The following SLC5A1 variants were observed in gnomAD, a reference collection of about 807,000 sequenced individuals.
The protein encoded by SLC5A1 is sodium/glucose cotransporter 1.
In SLC5A1, 42 loss-of-function variants were observed where a neutral mutation model predicts 73.5. The observed-to-expected ratio is 0.57, with a 90% CI of 0.45 to 0.74. SLC5A1 has a LOEUF of 0.74. Ranked by LOEUF, SLC5A1 falls within the 30% of genes least tolerant of loss-of-function variation. SLC5A1 has a pLI of 0.00. For missense variants in SLC5A1, 634 were observed against 855.4 expected (o/e 0.74, Z 3.23); for synonymous variants, 300 against 317.4 (o/e 0.95, Z 0.58).
At chr22:32,050,127 C>A in intron 2 of SLC5A1, 113 bp downstream of exon 2, 2 of 953,134 alleles carry the variant, frequency 2.1e-6, no homozygotes, top group Non-Finnish European at 3.4e-6. Context: ...AGGATCCCAA[C>A]CAGATTCTTG....
intron 5 of SLC5A1, among the ~76,000 whole-genome samples, chr22:32,069,320 A>G (rs780516687): frequency 2.0e-5 from 3 of 152,114 alleles, no homozygotes; most frequent in Non-Finnish European, 2.9e-5. Flanking sequence ...AATTTCAGTT[A>G]GATAGGAGGA....
intron 10 of SLC5A1, among the ~76,000 whole-genome samples, chr22:32,087,955 C>T (rs1204189003): frequency 1.3e-5 from 2 of 152,062 alleles, no homozygotes; most frequent in East Asian, 1.9e-4. Context: ...TTGAGGAATT[C>T]GGGAGAGTCT....
At chr22:32,051,514 G>A (rs955569122) in intron 2 of SLC5A1, among the ~76,000 whole-genome samples, 14 of 152,078 alleles carry the variant, frequency 9.2e-5, no homozygotes, top group Admixed American at 7.9e-4. Flanking sequence ...AAACTAGCTG[G>A]GCGTGGTGGT....
rs117888239 is a variant in SLC5A1 at position 32,081,255 on chromosome 22, A to G, written c.478-611A>G. Among the ~76,000 whole-genome samples, 1,195 of 152,308 alleles carry G rather than the reference A, an allele frequency of 7.8e-3. 85 individuals are homozygous for G. In the East Asian group the frequency reaches 0.18, roughly 23 times the overall value. On this transcript the variant is annotated intron_variant, in intron 5 of 14. Coordinates refer to ENST00000266088, the MANE Select transcript of SLC5A1 (RefSeq NM_000343.4). ...AGGGAGCAATTCTCCCAGAAATTAC[A>G]TGAAATAATCTAAATAAAACCAGCA...
intron 1 of SLC5A1, among the ~76,000 whole-genome samples, chr22:32,044,887 C>T (rs1368170978): frequency 6.6e-6 from 1 of 152,094 alleles, no homozygotes; most frequent in African/African-American, 2.4e-5. Flanking sequence ...ATGATCTGGG[C>T]TCTGAACAAT....
At chr22:32,086,422 A>G (rs931714221) in intron 10 of SLC5A1, 95 bp downstream of exon 10, 1 of 874,458 alleles carries the variant, frequency 1.1e-6, no homozygotes, top group Non-Finnish European at 1.9e-6. Context: ...CTGGGCAAAG[A>G]CATTTCTTAG....
chr22:32,051,891 T>C (rs1178387430), intron 2 of SLC5A1, among the ~76,000 whole-genome samples: 1 of 152,200 alleles, frequency 6.6e-6, no homozygotes, highest in African/African-American at 2.4e-5. Context: ...GTGGCTGACT[T>C]TATTTGCAAA....
chr22:32,059,197 C>T, intron 2 of SLC5A1: 3 of 985,242 alleles, frequency 3.0e-6, no homozygotes, highest in Non-Finnish European at 3.6e-6. Context: ...TGCCACTGCA[C>T]TCCTGCCTGG....
chr22:32,064,498 G>GA (rs568245165), intron 2 of SLC5A1, among the ~76,000 whole-genome samples: 7,112 of 133,456 alleles, frequency 0.053, 198 homozygotes, highest in Non-Finnish European at 0.079. Flanking sequence ...CCTGTCTTAG[G>GA]AAAAAAAAAA....
chr22:32,071,110 T>A (rs1289491351), intron 5 of SLC5A1, among the ~76,000 whole-genome samples: 1 of 152,098 alleles, frequency 6.6e-6, no homozygotes, highest in Admixed American at 6.5e-5. Context: ...TTGGTGAGCA[T>A]CCAGTGAATT....
Position 32,046,351 on chromosome 22 carries a change from G to C in SLC5A1, c.135+2935G>C, listed in dbSNP as rs978551053. Among the ~76,000 whole-genome samples the C allele has an allele frequency of 2.0e-5, 3 of 148,368 alleles. No homozygotes were observed. The Admixed American group carries it at 2.1e-4, about 10-fold the overall frequency. On this transcript the variant is annotated intron_variant, in intron 1 of 14. Transcript: ENST00000266088. ...GCATTGTTGTGACAGTGTCCTGGTG[G>C]TGCTGAATTCCTTTGCTCTTTTTTT...
intron 11 of SLC5A1, among the ~76,000 whole-genome samples, chr22:32,094,253 T>G (rs750403423): frequency 2.0e-5 from 3 of 152,208 alleles, no homozygotes; most frequent in African/African-American, 4.8e-5. Flanking sequence ...AGTATTTTGT[T>G]AAGGATTTTT....
At position 32,060,052 on chromosome 22, in the gene SLC5A1, C is replaced by CACAT. The variant is rs1450100086; in HGVS notation, c.208-6882_208-6881insCATA. On this transcript the variant is annotated intron_variant, in intron 2 of 14. Transcript: ENST00000266088. ...ACACACACACACACACACACACACA[C>CACAT]ATATATACACACACATATATATATA... Among the ~76,000 whole-genome samples the CACAT allele has an allele frequency of 5.4e-3, 619 of 115,612 alleles. 6 individuals are homozygous for CACAT. Among genetic ancestry groups the CACAT allele is most frequent in the African/African-American group, 0.018 (576 of 31,980 alleles). The allele number at this position is 115,612 out of a possible 152,430, so 75.8% of individuals were successfully genotyped here. A position where few individuals can be genotyped will look rare whatever the true frequency, so the allele number is the denominator to read the frequency against.
At position 32,043,975 on chromosome 22, in the gene SLC5A1, T is replaced by TA. The variant is rs1333976802; in HGVS notation, c.135+560dup. Among the ~76,000 whole-genome samples the TA allele has an allele frequency of 1.3e-5, 2 of 152,006 alleles. No homozygotes were observed. Among genetic ancestry groups the TA allele is most frequent in the Admixed American group, 6.6e-5 (1 of 15,262 alleles). On this transcript the variant is annotated intron_variant, in intron 1 of 14. Coordinates refer to ENST00000266088, the MANE Select transcript of SLC5A1 (RefSeq NM_000343.4). The surrounding 1 kb of genome is among the most constrained non-coding windows in gnomAD (Gnocchi z 6.5). ...GAGGATCCCAGGGGCTGGATCAAGT[T>TA]AGAGATGAGAAAGATGGGTGGAAAA...
In SLC5A1 at chr22:32,104,812, C is replaced by A; in HGVS notation, c.1692C>A (p.Arg564=). Residue 564 remains arginine, a synonymous_variant, in exon 14 of 15, where the codon CGC becomes CGA. Transcript: ENST00000266088. ...VHLYRLCWSL[R]NSKEERIDLD... ...TCTACCGTCTGTGTTGGAGCCTGCG[C>A]AACAGCAAAGAGGAGCGTATTGACC... 1 of 1,614,074 alleles carries A rather than the reference C, an allele frequency of 6.2e-7. No homozygotes were observed. The highest frequency in any genetic ancestry group is 8.5e-7 in the Non-Finnish European group (1 of 1,179,982).
intron 2 of SLC5A1, among the ~76,000 whole-genome samples, chr22:32,059,500 G>T (rs1319669851): frequency 6.6e-6 from 1 of 152,202 alleles, no homozygotes; most frequent in Non-Finnish European, 1.5e-5. Context: ...AAAGCAGGAG[G>T]CAGGAAAGCA....
intron 11 of SLC5A1, among the ~76,000 whole-genome samples, chr22:32,095,387 T>C (rs1473679821): frequency 2.0e-5 from 3 of 152,224 alleles, no homozygotes; most frequent in Non-Finnish European, 4.4e-5. Context: ...TTAAATCCAT[T>C]GTTCCTTTGT....
chr22:32,044,515 G>T (rs1056178900), intron 1 of SLC5A1, among the ~76,000 whole-genome samples: 2 of 138,646 alleles, frequency 1.4e-5, no homozygotes, highest in Non-Finnish European at 3.2e-5. Flanking sequence ...AAAAGGAAGT[G>T]TTTTTTTTTT....
intron 10 of SLC5A1, among the ~76,000 whole-genome samples, chr22:32,089,642 G>C (rs1481253941): frequency 6.6e-6 from 1 of 152,202 alleles, no homozygotes; most frequent in Non-Finnish European, 1.5e-5. Flanking sequence ...TACATTTGAT[G>C]CTATAGAGAG....
Sources: allele counts gnomAD v4.1 joint callset (sites outside exome capture counted in the v4.1 genomes callset), GRCh38; gene constraint gnomAD v4.1.1; non-coding constraint Gnocchi (gnomAD v3.1); transcripts MANE v1.5; gene names NCBI Gene and HGNC (gene_info 2026-07-23, HGNC 2026-07-21).